The following GOLIM4 variants were observed in gnomAD, a reference collection of about 807,000 sequenced individuals.
GOLIM4 encodes the protein golgi integral membrane protein 4, also known as 130 kDa golgi-localized phosphoprotein.
In GOLIM4, 71 loss-of-function variants were observed where a neutral mutation model predicts 107.4. The ratio of observed to expected loss-of-function variants is 0.66; its 90% CI spans 0.55 to 0.81. GOLIM4 has a LOEUF of 0.81. Among genes scored for constraint, GOLIM4 ranks in the 30% least tolerant of loss-of-function variants. The pLI is 0.00. For missense variants in GOLIM4, 830 were observed against 826.1 expected (o/e 1.00, Z -0.06); for synonymous variants, 327 against 294.8 (o/e 1.11, Z -1.12).
At chr3:168,095,049 A>T in intron 1 of GOLIM4, 50 bp downstream of exon 1, 1 of 1,448,278 alleles carries the variant, frequency 6.9e-7, no homozygotes, top group Non-Finnish European at 9.6e-7. Flanking sequence ...GCCCGGGTGG[A>T]GGCGCGGGGC....
intron 1 of GOLIM4, among the ~76,000 whole-genome samples, chr3:168,076,123 A>G (rs139869097): frequency 2.0e-4 from 31 of 152,280 alleles, no homozygotes; most frequent in African/African-American, 7.0e-4. Flanking sequence ...ATTTTCCACA[A>G]CCTTTTCCCA....
At chr3:168,023,764 G>T (rs575838179) in intron 14 of GOLIM4, among the ~76,000 whole-genome samples, 1 of 152,270 alleles carries the variant, frequency 6.6e-6, no homozygotes, top group Admixed American at 6.5e-5. Context: ...CTTAAATATT[G>T]CAGTTGTTTA....
chr3:168,037,179 A>T (rs1718702927), intron 7 of GOLIM4, among the ~76,000 whole-genome samples, 185 bp from the exon 8 acceptor site: 1 of 150,276 alleles, frequency 6.7e-6, no homozygotes, highest in African/African-American at 2.4e-5. Context: ...GAGCGCATGC[A>T]AATTAGAAAC....
At chr3:168,050,653 G>A (rs972190715) in intron 1 of GOLIM4, among the ~76,000 whole-genome samples, 4 of 151,904 alleles carry the variant, frequency 2.6e-5, no homozygotes, top group African/African-American at 9.7e-5. Context: ...AGTTATAAGG[G>A]CATAAATATG....
rs546687406 is a variant in GOLIM4, at chr3:168,090,773, C to T, written c.187+4326G>A. On this transcript the variant is annotated intron_variant, in intron 1 of 15. Transcript: ENST00000470487. ...AGCAAAGATATGGAATCAACCTAAGCGTCCATCAACAGAGAACTGGTAAAG... is the reference window on the plus strand; with the variant it reads ...AGCAAAGATATGGAATCAACCTAAGTGTCCATCAACAGAGAACTGGTAAAG... Among the ~76,000 whole-genome samples the T allele has an allele frequency of 7.2e-5, 11 of 152,252 alleles. No individual in the cohort carries two copies. In the South Asian group the frequency reaches 1.0e-3, roughly 14 times the overall value.
chr3:168,054,099 C>T (rs1165750891), intron 1 of GOLIM4, among the ~76,000 whole-genome samples: 1 of 152,198 alleles, frequency 6.6e-6, no homozygotes, highest in African/African-American at 2.4e-5. Flanking sequence ...AGATGACTCC[C>T]AAACCATGAA....
At chr3:168,044,501 A>C (rs1177114934) in intron 4 of GOLIM4, among the ~76,000 whole-genome samples, 3 of 152,248 alleles carry the variant, frequency 2.0e-5, no homozygotes, top group Non-Finnish European at 4.4e-5. Context: ...AGATAAAAGA[A>C]AATGTCTAAG....
intron 1 of GOLIM4, among the ~76,000 whole-genome samples, chr3:168,093,961 C>T (rs1577587049): frequency 2.0e-5 from 3 of 152,322 alleles, no homozygotes; most frequent in Admixed American, 2.0e-4. Flanking sequence ...AAACATCCCT[C>T]TAGCTTGCAT....
Position 168,048,325 on chromosome 3 carries a change from T to C in GOLIM4, c.228A>G (p.Gln76=). ...EHRSRLEKSL[Q]KERLEHKKAK... is the part of the protein sequence containing the mutation. ...CTTTTTTATGTTCAAGTCTTTCTTTTTGCAAGGATTTCTCTAATCTTGATC... is the reference window on the plus strand; with the variant it reads ...CTTTTTTATGTTCAAGTCTTTCTTTCTGCAAGGATTTCTCTAATCTTGATC... The change falls in exon 2 of 16, where the codon CAA becomes CAG. Residue 76 remains glutamine (Q), a synonymous_variant. Coordinates refer to ENST00000470487, the MANE Select transcript of GOLIM4 (RefSeq NM_014498.5). 1.3e-6 allele frequency: 2 copies of C among 1,539,338 alleles called. No homozygotes were observed. Among genetic ancestry groups the C allele is most frequent in the Non-Finnish European group, 1.8e-6 (2 of 1,119,516 alleles).
chr3:168,070,208 A>G lies in GOLIM4; in HGVS notation c.188-21843T>C, dbSNP rs550503795. On this transcript the variant is annotated intron_variant, in intron 1 of 15. Coordinates refer to ENST00000470487, the MANE Select transcript of GOLIM4 (RefSeq NM_014498.5). The stretch of plus-strand genomic sequence containing the variant: ...GGAGATGGAGACCATCCTGGCTAAC[A>G]TGGTGAAACCCCATTTCTACTACAA... Among the ~76,000 whole-genome samples the G allele has an allele frequency of 3.9e-5, 6 of 152,294 alleles. No individual in the cohort carries two copies. The South Asian group carries it at 1.2e-3, about 32-fold the overall frequency.
intron 2 of GOLIM4, 74 bp downstream of exon 2, chr3:168,048,217 T>A: frequency 2.5e-6 from 2 of 796,742 alleles, no homozygotes; most frequent in Non-Finnish European, 4.2e-6. Context: ...CAAAAAAAAA[T>A]TGTAAACCAA....
chr3:168,036,045 C>A (rs904281763), intron 8 of GOLIM4, among the ~76,000 whole-genome samples: 3 of 152,000 alleles, frequency 2.0e-5, no homozygotes, highest in African/African-American at 7.3e-5. Context: ...TCTGTGTAGA[C>A]CTAGCACTGC....
chr3:168,012,558 G>A (rs1410069920), intron 14 of GOLIM4, among the ~76,000 whole-genome samples: 11 of 134,734 alleles, frequency 8.2e-5, no homozygotes, highest in Non-Finnish European at 1.3e-4. Context: ...GATACTCCTC[G>A]AGAAGACCAA....
In GOLIM4 at chr3:168,034,528, T is replaced by C. The variant is rs533520143; in HGVS notation, c.844-1676A>G. 5.3e-5 allele frequency among the ~76,000 whole-genome samples: 8 copies of C among 152,376 alleles called. No individual in the cohort carries two copies. In the East Asian group the frequency reaches 1.3e-3, roughly 26 times the overall value. On this transcript the variant is annotated intron_variant, in intron 8 of 15. Transcript: ENST00000470487. ...CCTGAACAGAGTGAAGAGGCTCATA[T>C]ATGAAGTCTACTCATATCAACTTAA... is the stretch of plus-strand genomic sequence containing the variant.
chr3:168,081,326 G>C (rs903766969), intron 1 of GOLIM4, among the ~76,000 whole-genome samples: 2 of 152,192 alleles, frequency 1.3e-5, no homozygotes, highest in Admixed American at 1.3e-4. Flanking sequence ...GAGACTGACA[G>C]CGGAAAGCTG....
chr3:168,089,110 A>C (rs528430223), intron 1 of GOLIM4, among the ~76,000 whole-genome samples: 26 of 152,368 alleles, frequency 1.7e-4, no homozygotes, highest in Admixed American at 8.5e-4. Context: ...GAGCTTCAAA[A>C]GGTATTTGGA....
At chr3:168,011,408 C>T (rs1412499978) in intron 14 of GOLIM4, among the ~76,000 whole-genome samples, 2 of 152,178 alleles carry the variant, frequency 1.3e-5, no homozygotes, top group Non-Finnish European at 2.9e-5. Flanking sequence ...CACAGAATCT[C>T]GCTGATTGCC....
At chr3:168,032,172 A>G (rs1718367966) in intron 9 of GOLIM4, among the ~76,000 whole-genome samples, 1 of 152,172 alleles carries the variant, frequency 6.6e-6, no homozygotes, top group African/African-American at 2.4e-5. Context: ...CTGCCTCAAG[A>G]TGCTCAAGAC....
rs1179178208 is a variant in GOLIM4 at position 168,029,967 on chromosome 3, G to C, written c.1246C>G (p.Leu416Val). The change falls in exon 10 of 16, where the codon CTG (leucine) becomes GTG (valine). Residue 416 changes from leucine (L) to valine (V), a missense_variant. Coordinates refer to ENST00000470487, the MANE Select transcript of GOLIM4 (RefSeq NM_014498.5). ...GCCTCCTCCACCTGCTGCACTGCCA[G>C]TCTCTGCTGTTCCAACTGTTCCTCA... ...PYEEQLEQQR[L>V]AVQQVEEAQQ... The C allele has an allele frequency of 1.9e-6, 3 of 1,614,192 alleles. No homozygotes were observed. The East Asian group carries it at 6.7e-5, about 36-fold the overall frequency.
Sources: allele counts gnomAD v4.1 joint callset (sites outside exome capture counted in the v4.1 genomes callset), GRCh38; gene constraint gnomAD v4.1.1; transcripts MANE v1.5; gene names NCBI Gene and HGNC (gene_info 2026-07-23, HGNC 2026-07-21).